Variants in LDB2 observed in about 807,000 individuals in gnomAD.
LDB2 encodes LIM domain binding 2, also known as LIM domain-binding protein 2.
A neutral mutation model predicts 44.3 loss-of-function variants in LDB2; 12 were observed. The ratio of observed to expected loss-of-function variants is 0.27; its 90% CI spans 0.17 to 0.44. The LOEUF is 0.44. Ranked by LOEUF, LDB2 falls within the 20% of genes least tolerant of loss-of-function variation. The pLI, the probability that LDB2 is intolerant of heterozygous loss-of-function variation, is 1.00. For missense variants in LDB2, 344 were observed against 473.5 expected (o/e 0.73, Z 2.54); for synonymous variants, 164 against 174.8 (o/e 0.94, Z 0.49).
At chr4:16,662,152 C>T (rs1483609479) in intron 2 of LDB2, among the ~76,000 whole-genome samples, 1 of 152,150 alleles carries the variant, frequency 6.6e-6, no homozygotes, top group African/African-American at 2.4e-5. Flanking sequence ...CTTTGAATAG[C>T]TTGGTTTCTA....
rs57704740 is a variant in LDB2 at position 16,885,154 on chromosome 4, TAA to T, written c.132+13198_132+13199del. ...GGGCAACATAGGGAGATACCACTTCTAAAAAAAAAAAAAAAAAAAAAAACTTT... is the reference window on the plus strand; with the variant it reads ...GGGCAACATAGGGAGATACCACTTCTAAAAAAAAAAAAAAAAAAAAACTTT... On this transcript the variant is annotated intron_variant, in intron 1 of 7. Transcript: ENST00000304523. Among the ~76,000 whole-genome samples, 567 of 94,824 alleles carry T rather than the reference TAA, an allele frequency of 6.0e-3. 2 individuals are homozygous for T. The highest frequency in any genetic ancestry group is 0.032 in the East Asian group (92 of 2,912). The allele number at this position is 94,824 out of a possible 152,430, so 62.2% of individuals were successfully genotyped here.
At chr4:16,665,774 G>A (rs1187792139) in intron 2 of LDB2, among the ~76,000 whole-genome samples, 1 of 152,184 alleles carries the variant, frequency 6.6e-6, no homozygotes, top group Non-Finnish European at 1.5e-5. Flanking sequence ...AAAAAGGGGT[G>A]TCTGAAGATG....
At chr4:16,825,530 T>C (rs1169498510) in intron 1 of LDB2, among the ~76,000 whole-genome samples, 2 of 152,180 alleles carry the variant, frequency 1.3e-5, no homozygotes, top group Non-Finnish European at 2.9e-5. Context: ...TTTCTTCTAA[T>C]TCTAGACTCT....
intron 2 of LDB2, among the ~76,000 whole-genome samples, chr4:16,726,937 C>T (rs1435132468): frequency 6.6e-6 from 1 of 152,128 alleles, no homozygotes; most frequent in Non-Finnish European, 1.5e-5. Flanking sequence ...TACATATGTA[C>T]ATTATGTGTG....
At chr4:16,769,515 C>T (rs946676821) in intron 1 of LDB2, among the ~76,000 whole-genome samples, 9 of 151,876 alleles carry the variant, frequency 5.9e-5, no homozygotes, top group Admixed American at 1.3e-4. Flanking sequence ...AGGCTTCTCT[C>T]GAACTCCTGA....
chr4:16,831,615 G>A (rs1784091226), intron 1 of LDB2, among the ~76,000 whole-genome samples: 1 of 152,162 alleles, frequency 6.6e-6, no homozygotes, highest in Non-Finnish European at 1.5e-5. Context: ...GGACAACTGA[G>A]GCATCCAAGT....
chr4:16,702,988 T>A (rs1374149139), intron 2 of LDB2, among the ~76,000 whole-genome samples: 1 of 152,178 alleles, frequency 6.6e-6, no homozygotes, highest in East Asian at 1.9e-4. Context: ...TAGGAAGCTG[T>A]TTCTGACCAC....
At chr4:16,871,410 G>A (rs191008862) in intron 1 of LDB2, among the ~76,000 whole-genome samples, 2 of 152,302 alleles carry the variant, frequency 1.3e-5, no homozygotes, top group East Asian at 3.9e-4. Context: ...ATGAAAGTTT[G>A]CATGCCTGAA....
At chr4:16,734,580 C>T (rs1761457281) in intron 2 of LDB2, among the ~76,000 whole-genome samples, 1 of 152,164 alleles carries the variant, frequency 6.6e-6, no homozygotes, top group South Asian at 2.1e-4. Context: ...CAGAGTCCTT[C>T]CAACCCTCTG....
intron 2 of LDB2, among the ~76,000 whole-genome samples, chr4:16,744,641 A>AT (rs538114657): frequency 2.6e-3 from 388 of 151,742 alleles, no homozygotes; most frequent in African/African-American, 8.8e-3. Flanking sequence ...TGCCCAGCTA[A>AT]TTTTTTTTGT....
At chr4:16,538,973 C>T (rs1732795689) in intron 5 of LDB2, among the ~76,000 whole-genome samples, 1 of 152,156 alleles carries the variant, frequency 6.6e-6, no homozygotes, top group South Asian at 2.1e-4. Flanking sequence ...ATTAATGCAT[C>T]CTCAAGTCCT....
At chr4:16,776,523 TG>T (rs1389964064) in intron 1 of LDB2, among the ~76,000 whole-genome samples, 5 of 152,186 alleles carry the variant, frequency 3.3e-5, no homozygotes, top group Admixed American at 2.6e-4. Context: ...TTTGATGGAA[TG>T]GGGGTAGTTA....
intron 5 of LDB2, chr4:16,581,562 G>A (rs2152418555): frequency 6.8e-6 from 2 of 294,876 alleles, no homozygotes; most frequent in East Asian, 1.7e-4. Flanking sequence ...AGCTCCCCAA[G>A]TCACTAACAC....
intron 1 of LDB2, among the ~76,000 whole-genome samples, chr4:16,821,678 C>T (rs1281800500): frequency 9.0e-5 from 13 of 145,070 alleles, no homozygotes; most frequent in East Asian, 8.4e-4. Flanking sequence ...CGTGAGCCAC[C>T]GCGCCCGGCC....
chr4:16,633,421 G>T (rs967447260), intron 2 of LDB2, among the ~76,000 whole-genome samples: 1 of 151,930 alleles, frequency 6.6e-6, no homozygotes, highest in Non-Finnish European at 1.5e-5. Context: ...GTGTACCCTA[G>T]AACTTAAAGT....
chr4:16,726,755 T>C (rs1759566596), intron 2 of LDB2, among the ~76,000 whole-genome samples: 1 of 152,190 alleles, frequency 6.6e-6, no homozygotes, highest in African/African-American at 2.4e-5. Flanking sequence ...TTTCAATGGC[T>C]GCATAGGGGG....
chr4:16,814,180 T>C (rs976556560), intron 1 of LDB2, among the ~76,000 whole-genome samples: 1 of 152,142 alleles, frequency 6.6e-6, no homozygotes, highest in Non-Finnish European at 1.5e-5. Flanking sequence ...AGGGATACTG[T>C]TTTTCTAACA....
chr4:16,640,305 G>A (rs1307741313), intron 2 of LDB2, among the ~76,000 whole-genome samples: 1 of 152,210 alleles, frequency 6.6e-6, no homozygotes, highest in Non-Finnish European at 1.5e-5. Context: ...GTGGGTAATA[G>A]AGAACTGTAA....
chr4:16,845,292 A>G (rs896850496), intron 1 of LDB2, among the ~76,000 whole-genome samples: 6 of 152,198 alleles, frequency 3.9e-5, no homozygotes, highest in Non-Finnish European at 2.9e-5. Context: ...TGCAATCACA[A>G]CTGCAATGCA....
Sources: gnomAD v4.1 joint callset for allele counts (sites outside exome capture counted in the v4.1 genomes callset) on GRCh38, gnomAD v4.1.1 for gene constraint, MANE v1.5 for transcripts, NCBI Gene and HGNC (gene_info 2026-07-23, HGNC 2026-07-21) for gene names.